Variants in PPP3R1 observed in about 807,000 individuals in gnomAD.
The protein encoded by PPP3R1 is calcineurin subunit B type 1.
A neutral mutation model predicts 22.6 loss-of-function variants in PPP3R1; 5 were observed. The observed-to-expected ratio is 0.22, with a 90% CI of 0.12 to 0.46. The LOEUF (loss-of-function observed/expected upper bound fraction) is 0.46. Ranked by LOEUF, PPP3R1 falls within the 20% of genes least tolerant of loss-of-function variation. PPP3R1 has a pLI of 0.99. For missense variants in PPP3R1, 61 were observed against 203.2 expected (o/e 0.30, Z 4.25); for synonymous variants, 56 against 65.2 (o/e 0.86, Z 0.68).
intron 1 of PPP3R1, among the ~76,000 whole-genome samples, chr2:68,237,975 T>A (rs956835533): frequency 5.3e-5 from 8 of 152,188 alleles, no homozygotes; most frequent in African/African-American, 1.9e-4. Context: ...ACCTGACATA[T>A]AAGTCTCTAC....
At chr2:68,230,666 T>A (rs1244560439) in intron 1 of PPP3R1, among the ~76,000 whole-genome samples, 1 of 149,308 alleles carries the variant, frequency 6.7e-6, no homozygotes, top group African/African-American at 2.5e-5. Context: ...CCTTCTGTTT[T>A]CAGAATGTCT....
chr2:68,247,954 T>C (rs1467607453), intron 1 of PPP3R1, among the ~76,000 whole-genome samples: 2 of 152,218 alleles, frequency 1.3e-5, no homozygotes, highest in African/African-American at 4.8e-5. Flanking sequence ...CAGAATGGTC[T>C]CTTTAAAAAA....
chr2:68,235,388 C>T (rs1211903966), intron 1 of PPP3R1, among the ~76,000 whole-genome samples: 1 of 152,124 alleles, frequency 6.6e-6, no homozygotes, highest in Non-Finnish European at 1.5e-5. Flanking sequence ...CAGGCCAGCC[C>T]TAAGTAATCA....
At chr2:68,208,747 C>G (rs892048696) in intron 2 of PPP3R1, among the ~76,000 whole-genome samples, 8 of 151,478 alleles carry the variant, frequency 5.3e-5, no homozygotes, top group Non-Finnish European at 1.0e-4. Context: ...CCAGCCTGAT[C>G]AACATGTTTC....
intron 2 of PPP3R1, among the ~76,000 whole-genome samples, chr2:68,216,698 G>A (rs1168970225): frequency 6.6e-6 from 1 of 152,048 alleles, no homozygotes; most frequent in Non-Finnish European, 1.5e-5. Context: ...GTGATCTTGG[G>A]AATAAGCATT....
At chr2:68,198,150 C>T (rs1327022330) in intron 2 of PPP3R1, among the ~76,000 whole-genome samples, 5 of 123,380 alleles carry the variant, frequency 4.1e-5, no homozygotes, top group African/African-American at 1.2e-4. Context: ...ATATACAATA[C>T]ACATATATGT....
chr2:68,208,929 T>A (rs1365862096), intron 2 of PPP3R1, among the ~76,000 whole-genome samples: 3 of 12,698 alleles, frequency 2.4e-4, no homozygotes, highest in African/African-American at 2.5e-3. Context: ...AAAAAAAAAT[T>A]TTTTTTTTTA....
At chr2:68,197,836 C>G (rs934796542) in intron 2 of PPP3R1, among the ~76,000 whole-genome samples, 1 of 150,984 alleles carries the variant, frequency 6.6e-6, no homozygotes. Context: ...GAATTTTTTC[C>G]CTTTATGATT....
At chr2:68,187,616 T>C (rs1674572941) in intron 3 of PPP3R1, among the ~76,000 whole-genome samples, 1 of 152,152 alleles carries the variant, frequency 6.6e-6, no homozygotes, top group Admixed American at 6.6e-5. Flanking sequence ...TCTTAGAATA[T>C]GACTGTAACA....
chr2:68,203,212 C>T (rs1449208443), intron 2 of PPP3R1, among the ~76,000 whole-genome samples: 1 of 152,152 alleles, frequency 6.6e-6, no homozygotes, highest in Admixed American at 6.5e-5. Context: ...GTCTAAGAAA[C>T]ATTAACTGTA....
In PPP3R1 at chr2:68,252,230, G is replaced by T. The variant is rs994341466; in HGVS notation, c.-103C>A. 1 of 1,140,744 alleles carries T rather than the reference G, an allele frequency of 8.8e-7. No individual in the cohort carries two copies. Among genetic ancestry groups the T allele is most frequent in the South Asian group, 3.3e-5 (1 of 30,532 alleles). 70.7% of individuals were successfully genotyped at this position (1,140,744 alleles called of 1,614,324 possible). On this transcript the variant is annotated 5_prime_UTR_variant, in exon 1 of 6. Transcript: ENST00000234310. ...CGGCGGCGGCCCAGCTGCGGCCCTCGGGTCGCCGGCGGGGAGGGGGCGCGC... is the reference window on the plus strand; with the variant it reads ...CGGCGGCGGCCCAGCTGCGGCCCTCTGGTCGCCGGCGGGGAGGGGGCGCGC...
chr2:68,232,263 G>A (rs1430273956), intron 1 of PPP3R1, among the ~76,000 whole-genome samples: 13 of 57,868 alleles, frequency 2.2e-4, no homozygotes, highest in Admixed American at 5.4e-4. Flanking sequence ...GTGTGTGTGT[G>A]TGTATATATA....
At chr2:68,220,529 T>C (rs1669668692) in intron 1 of PPP3R1, among the ~76,000 whole-genome samples, 1 of 152,216 alleles carries the variant, frequency 6.6e-6, no homozygotes. Flanking sequence ...TTAAAGGCTG[T>C]TCTTTACTTA....
chr2:68,194,911 C>T (rs1037126262), intron 2 of PPP3R1, among the ~76,000 whole-genome samples: 3 of 152,164 alleles, frequency 2.0e-5, no homozygotes, highest in East Asian at 3.9e-4. Context: ...AATACACCAA[C>T]TGATTTAAAA....
chr2:68,209,357 TCAAA>T (rs1669421774), intron 2 of PPP3R1, among the ~76,000 whole-genome samples: 1 of 12,212 alleles, frequency 8.2e-5, no homozygotes, highest in South Asian at 2.6e-3. Flanking sequence ...AGACTCTGTC[TCAAA>T]AAAAAAAAAA....
At chr2:68,251,951 C>G (rs1670371175) in intron 1 of PPP3R1, among the ~76,000 whole-genome samples, 174 bp downstream of exon 1, 1 of 147,482 alleles carries the variant, frequency 6.8e-6, no homozygotes, top group South Asian at 2.1e-4. Flanking sequence ...TGTCAGCAGC[C>G]GCCCCGCCGC....
intron 1 of PPP3R1, among the ~76,000 whole-genome samples, chr2:68,236,090 A>G (rs914661718): frequency 2.0e-5 from 3 of 152,086 alleles, no homozygotes; most frequent in African/African-American, 7.2e-5. Context: ...GAAATTTCTT[A>G]TCAGATAACG....
intron 1 of PPP3R1, among the ~76,000 whole-genome samples, chr2:68,249,788 A>G (rs899565438): frequency 1.3e-5 from 2 of 152,182 alleles, no homozygotes; most frequent in African/African-American, 4.8e-5. Context: ...GTCAGAAAAG[A>G]TCCTTGAGAG....
chr2:68,213,576 A>G (rs1181390133), intron 2 of PPP3R1, among the ~76,000 whole-genome samples: 1 of 152,230 alleles, frequency 6.6e-6, no homozygotes, highest in African/African-American at 2.4e-5. Flanking sequence ...AAAAGGTATG[A>G]AATACTGCAA....
Sources: allele counts gnomAD v4.1 joint callset (sites outside exome capture counted in the v4.1 genomes callset), GRCh38; gene constraint gnomAD v4.1.1; transcripts MANE v1.5; gene names NCBI Gene and HGNC (gene_info 2026-07-23, HGNC 2026-07-21).